Variants in RNF19A observed in about 807,000 individuals in gnomAD.
The protein encoded by RNF19A is ring finger protein 19A, RBR E3 ubiquitin protein ligase.
In RNF19A, 32 loss-of-function variants were observed where a neutral mutation model predicts 75.7. The ratio of observed to expected loss-of-function variants is 0.42; its 90% confidence interval spans 0.32 to 0.57. The LOEUF (loss-of-function observed/expected upper bound fraction) is 0.57, where lower values mean the gene tolerates loss of function less well. Among genes scored for constraint, RNF19A ranks in the 20% least tolerant of loss-of-function variants. The pLI is 0.10. For synonymous variants in RNF19A, 335 were observed against 345.2 expected (o/e 0.97, Z 0.33); for missense variants, 782 against 1,036.3 (o/e 0.75, Z 3.37).
upstream of RNF19A, among the ~76,000 whole-genome samples, chr8:100,312,145 C>G (rs1822309544): frequency 6.6e-6 from 1 of 152,190 alleles, no homozygotes; most frequent in Non-Finnish European, 1.5e-5. Flanking sequence ...CCACCAAGTC[C>G]TGTTTATTAT....
rs1822390737 is a variant in RNF19A, at chr8:100,317,014, C to T, written c.-242-3642G>A. Among the ~76,000 whole-genome samples the T allele has an allele frequency of 4.6e-5, 7 of 152,088 alleles. No individual in the cohort carries two copies. The South Asian group carries it at 1.5e-3, about 32-fold the overall frequency. On this transcript the variant is annotated intron_variant, in intron 1 of 3. Transcript: ENST00000519527. The surrounding 1 kb of genome is among the most constrained non-coding windows in gnomAD (Gnocchi z 4.3). ...AGTACACTCTCCGCAGCCGCTGGCC[C>T]GGGTGCTAAGTCCCTCATTGCCCGG... is the stretch of plus-strand genomic sequence containing the variant.
intron 1 of RNF19A, among the ~76,000 whole-genome samples, chr8:100,300,950 C>T (rs983916728): frequency 1.3e-5 from 2 of 152,212 alleles, no homozygotes; most frequent in Non-Finnish European, 2.9e-5. Flanking sequence ...CTTACTTGCT[C>T]TTCTCAAGAG....
chr8:100,334,720 C>T (rs945551903), intron 1 of RNF19A, among the ~76,000 whole-genome samples: 1 of 152,196 alleles, frequency 6.6e-6, no homozygotes, highest in African/African-American at 2.4e-5. Flanking sequence ...GCCCCGCTGG[C>T]GTGCACCCAT....
At chr8:100,291,382 T>G (rs1821287230) in intron 1 of RNF19A, among the ~76,000 whole-genome samples, 1 of 152,254 alleles carries the variant, frequency 6.6e-6, no homozygotes, top group Admixed American at 6.5e-5. Context: ...GCTATTACTC[T>G]GTGATCCTTA....
In RNF19A at chr8:100,329,444, AAAAC is replaced by A. The variant is rs545395260; in HGVS notation, c.-243+6660_-243+6663del. 9.0e-4 allele frequency among the ~76,000 whole-genome samples: 137 copies of A among 152,318 alleles called. No individual in the cohort carries two copies. Among genetic ancestry groups the A allele is most frequent in the African/African-American group, 3.1e-3 (127 of 41,572 alleles). On this transcript the variant is annotated intron_variant, in intron 1 of 3. Transcript: ENST00000519527. The surrounding 1 kb of genome is among the most constrained non-coding windows in gnomAD (Gnocchi z 4.3). ...CAGTGCTGCAAAAACAAAACAAAAC[AAAAC>A]AAACAAACAAACAAAAAAAGTCAGT...
At chr8:100,320,271 A>G (rs1324503643) in intron 1 of RNF19A, among the ~76,000 whole-genome samples, 1 of 152,228 alleles carries the variant, frequency 6.6e-6, no homozygotes, top group Non-Finnish European at 1.5e-5. Context: ...GTATCATTTT[A>G]TAGCCTTTAT....
In RNF19A at chr8:100,325,486, C is replaced by A. The variant is rs1242103586; in HGVS notation, c.-243+10622G>T. Among the ~76,000 whole-genome samples, 1 of 152,142 alleles carries A rather than the reference C, an allele frequency of 6.6e-6. No individual in the cohort carries two copies. Among genetic ancestry groups the A allele is most frequent in the African/African-American group, 2.4e-5 (1 of 41,428 alleles). On this transcript the variant is annotated intron_variant, in intron 1 of 3. Coordinates refer to the RNF19A transcript ENST00000519527. The surrounding 1 kb of genome is among the most constrained non-coding windows in gnomAD (Gnocchi z 4.3). ...CCACACCTTGTCACCTCTAGGTCCT[C>A]CCTTTTCAGTAAGTGACCTCTGAAC...
At chr8:100,301,905 T>C (rs1051566426) in intron 1 of RNF19A, among the ~76,000 whole-genome samples, 3 of 151,750 alleles carry the variant, frequency 2.0e-5, no homozygotes, top group African/African-American at 7.3e-5. Context: ...CTGAAGGAGG[T>C]AAAGGAGGTG....
chr8:100,282,150 CTAAT>C, intron 2 of RNF19A, among the ~76,000 whole-genome samples: 1 of 152,236 alleles, frequency 6.6e-6, no homozygotes, highest in South Asian at 2.1e-4. Flanking sequence ...CTTTAGTCAA[CTAAT>C]TAGAGAAAGC....
intron 1 of RNF19A, among the ~76,000 whole-genome samples, chr8:100,299,859 C>A (rs116188546): frequency 6.6e-6 from 1 of 152,156 alleles, no homozygotes; most frequent in Non-Finnish European, 1.5e-5. Context: ...TTATTGATAA[C>A]AGTAGCATCC....
rs1788182 is a variant in RNF19A, at chr8:100,322,392, C to T, written c.-242-9020G>A. On this transcript the variant is annotated intron_variant, in intron 1 of 3. Coordinates refer to the RNF19A transcript ENST00000519527. This position sits in a 1 kb window ranked among gnomAD's most constrained non-coding sequence, Gnocchi z 5.1. The stretch of plus-strand genomic sequence containing the variant: ...CAACCTCTGCTAGCTTCAAACTTTT[C>T]TTCTGAAGCTTCCTTACCTCTCAGC... 0.46 allele frequency among the ~76,000 whole-genome samples: 70,515 copies of T among 152,176 alleles called. 17,311 individuals are homozygous for T. Among genetic ancestry groups the T allele is most frequent in the African/African-American group, 0.64 (26,451 of 41,534 alleles).
chr8:100,308,792 T>C (rs1490497136), intron 1 of RNF19A, among the ~76,000 whole-genome samples: 2 of 152,236 alleles, frequency 1.3e-5, no homozygotes, highest in Admixed American at 1.3e-4. Flanking sequence ...AAAATTAGCA[T>C]TTCTAGCCAA....
chr8:100,312,342 A>G (rs1462464093), upstream of RNF19A: 1 of 152,030 alleles, frequency 6.6e-6, no homozygotes, highest in Non-Finnish European at 1.5e-5. Flanking sequence ...GGTGGCACAC[A>G]CCTGTAGTCC....
At chr8:100,273,041 AT>A (rs1351603725) in intron 3 of RNF19A, among the ~76,000 whole-genome samples, 1 of 151,678 alleles carries the variant, frequency 6.6e-6, no homozygotes, top group Non-Finnish European at 1.5e-5. Flanking sequence ...AATTTTTTAA[AT>A]TTTTTGTAGA....
At chr8:100,291,697 T>C (rs1821302776) in intron 1 of RNF19A, among the ~76,000 whole-genome samples, 1 of 152,212 alleles carries the variant, frequency 6.6e-6, no homozygotes, top group Non-Finnish European at 1.5e-5. Flanking sequence ...ACCTACTACA[T>C]GGTCAAATAA....
Position 100,264,642 on chromosome 8 carries a change from G to GT in RNF19A, c.1306+28dup. 2 of 1,375,450 alleles carry GT rather than the reference G, an allele frequency of 1.5e-6. No individual in the cohort carries two copies. The highest frequency in any genetic ancestry group is 1.0e-6 in the Non-Finnish European group (1 of 978,210). 85.2% of individuals were successfully genotyped at this position (1,375,450 alleles called of 1,614,324 possible). A position where few individuals can be genotyped will look rare whatever the true frequency, so the allele number is the denominator to read the frequency against. ...AAACTTTAACTCCATAAAATTGTAG[G>GT]TAATTAGTACTTTTCAGCATTTTCT... On this transcript the variant is annotated intron_variant, in intron 6 of 9. Transcript: ENST00000341084. This position sits in a 1 kb window ranked among gnomAD's most constrained non-coding sequence, Gnocchi z 4.7.
chr8:100,311,923 T>C (rs568866318), upstream of RNF19A, among the ~76,000 whole-genome samples: 1 of 152,288 alleles, frequency 6.6e-6, no homozygotes, highest in South Asian at 2.1e-4. Flanking sequence ...AAGGACTTTC[T>C]ATTCTTCACT....
chr8:100,262,532 G>C (rs916812974), intron 7 of RNF19A, among the ~76,000 whole-genome samples: 1 of 152,168 alleles, frequency 6.6e-6, no homozygotes, highest in Non-Finnish European at 1.5e-5. Context: ...TAAAATAAGA[G>C]GGTGACAAGA....
At chr8:100,301,881 C>A (rs2130156676) in intron 1 of RNF19A, among the ~76,000 whole-genome samples, 1 of 152,102 alleles carries the variant, frequency 6.6e-6, no homozygotes, top group East Asian at 1.9e-4. Flanking sequence ...GAAAGGGTGG[C>A]ATTTAGCAGA....
Sources: gnomAD v4.1 joint callset for allele counts (sites outside exome capture counted in the v4.1 genomes callset) on GRCh38, gnomAD v4.1.1 for gene constraint, Gnocchi (gnomAD v3.1) non-coding constraint, MANE v1.5 for transcripts, NCBI Gene and HGNC (gene_info 2026-07-23, HGNC 2026-07-21) for gene names.